AUTS2: variants seen among roughly 807,000 people sequenced by gnomAD.
The protein encoded by AUTS2 is autism susceptibility gene 2 protein.
AUTS2 carries 17 observed loss-of-function variants against 112.4 expected under a neutral mutation model. The ratio of observed to expected loss-of-function variants is 0.15; its 90% CI spans 0.10 to 0.23. The LOEUF (loss-of-function observed/expected upper bound fraction) is 0.23, where lower values mean the gene tolerates loss of function less well. Among genes scored for constraint, AUTS2 ranks in the 10% least tolerant of loss-of-function variants. The probability of loss-of-function intolerance (pLI) is 1.00; values close to 1 mark genes in which losing one functional copy is unlikely to be tolerated. For synonymous variants in AUTS2, 751 were observed against 702.7 expected, an observed-to-expected ratio of 1.07 and a Z score of -1.09; for missense variants, 1,510 against 1,701.6, an observed-to-expected ratio of 0.89 and a Z score of 1.98.
intron 2 of AUTS2, among the ~76,000 whole-genome samples, chr7:70,034,603 C>T (rs542203255): frequency 5.5e-4 from 84 of 152,262 alleles, no homozygotes; most frequent in African/African-American, 1.9e-3. Context: ...GGTAATTCTA[C>T]GGTAAATTTG....
At chr7:69,989,814 AC>A in intron 2 of AUTS2, among the ~76,000 whole-genome samples, 1 of 152,276 alleles carries the variant, frequency 6.6e-6, no homozygotes, top group Admixed American at 6.5e-5. Context: ...CAGCAGGCTA[AC>A]AAACATTAAG....
chr7:69,641,056 G>C (rs1034932582), intron 1 of AUTS2, among the ~76,000 whole-genome samples: 1 of 152,212 alleles, frequency 6.6e-6, no homozygotes, highest in Non-Finnish European at 1.5e-5. Context: ...ATTTTAACTT[G>C]TGTCAAGGGC....
intron 4 of AUTS2, among the ~76,000 whole-genome samples, chr7:70,414,069 T>C (rs1794893096): frequency 6.6e-6 from 1 of 152,230 alleles, no homozygotes; most frequent in Non-Finnish European, 1.5e-5. Context: ...GCTAAGGAGC[T>C]GCGTAACATT....
intron 2 of AUTS2, among the ~76,000 whole-genome samples, chr7:70,071,774 A>G (rs759761959): frequency 1.3e-5 from 2 of 152,224 alleles, no homozygotes; most frequent in Non-Finnish European, 2.9e-5. Context: ...GGTTCGATCT[A>G]TGAGAAATTT....
At chr7:70,468,837 A>T (rs1009909349) in intron 5 of AUTS2, among the ~76,000 whole-genome samples, 4 of 151,656 alleles carry the variant, frequency 2.6e-5, no homozygotes, top group African/African-American at 4.9e-5. Flanking sequence ...GGGCAGTCTT[A>T]CTCCCTCTTC....
intron 4 of AUTS2, among the ~76,000 whole-genome samples, chr7:70,299,834 A>AG (rs1341293404): frequency 7.3e-5 from 11 of 151,474 alleles, no homozygotes; most frequent in Non-Finnish European, 1.3e-4. Context: ...TTCCTTTAAA[A>AG]AAAAAAAAAT....
chr7:69,995,341 A>C (rs771731998), intron 2 of AUTS2, among the ~76,000 whole-genome samples: 3 of 152,192 alleles, frequency 2.0e-5, no homozygotes, highest in African/African-American at 7.2e-5. Context: ...AATTTCTTTC[A>C]TTTACACAGT....
At chr7:70,622,089 C>T (rs1804710518) in intron 5 of AUTS2, among the ~76,000 whole-genome samples, 1 of 151,894 alleles carries the variant, frequency 6.6e-6, no homozygotes, top group African/African-American at 2.4e-5. Context: ...CTGCCCGCCT[C>T]GTCCTCCCAA....
chr7:70,106,146 A>G (rs1202771873), intron 2 of AUTS2, among the ~76,000 whole-genome samples: 1 of 152,172 alleles, frequency 6.6e-6, no homozygotes, highest in Non-Finnish European at 1.5e-5. Flanking sequence ...GAGGGTCTTT[A>G]TACATCTTCT....
At chr7:70,043,917 G>A (rs1313235440) in intron 2 of AUTS2, among the ~76,000 whole-genome samples, 1 of 151,908 alleles carries the variant, frequency 6.6e-6, no homozygotes, top group Non-Finnish European at 1.5e-5. Flanking sequence ...CCTCCCCTTT[G>A]CATTTCACTG....
At chr7:70,463,399 G>GT (rs1426115594) in intron 5 of AUTS2, among the ~76,000 whole-genome samples, 2 of 152,204 alleles carry the variant, frequency 1.3e-5, no homozygotes, top group Non-Finnish European at 2.9e-5. Flanking sequence ...ATGAGAGGGA[G>GT]TTTCATGCCC....
chr7:70,386,259 A>G (rs999059505), intron 4 of AUTS2, among the ~76,000 whole-genome samples: 19 of 152,198 alleles, frequency 1.2e-4, no homozygotes, highest in African/African-American at 4.6e-4. Context: ...GCTCCTTGCA[A>G]GACATAAAAC....
At chr7:70,182,500 A>T (rs936348018) in intron 4 of AUTS2, among the ~76,000 whole-genome samples, 1 of 152,236 alleles carries the variant, frequency 6.6e-6, no homozygotes, top group Non-Finnish European at 1.5e-5. Flanking sequence ...CCTCCAACAT[A>T]GTAGGACCTC....
chr7:70,332,968 T>A (rs755066359), intron 4 of AUTS2, among the ~76,000 whole-genome samples: 1 of 152,098 alleles, frequency 6.6e-6, no homozygotes, highest in Non-Finnish European at 1.5e-5. Flanking sequence ...ACAAATGGGA[T>A]CTAATTAACT....
At chr7:70,628,141 C>G (rs1300410385) in intron 5 of AUTS2, among the ~76,000 whole-genome samples, 1 of 152,002 alleles carries the variant, frequency 6.6e-6, no homozygotes, top group Non-Finnish European at 1.5e-5. Flanking sequence ...GCCTTGGAAG[C>G]CATGCGGGCA....
At chr7:70,733,879 G>A (rs980356088) in intron 6 of AUTS2, among the ~76,000 whole-genome samples, 3 of 151,790 alleles carry the variant, frequency 2.0e-5, no homozygotes, top group African/African-American at 4.8e-5. Context: ...GAGCCACCAC[G>A]CCTGGCCTCT....
In AUTS2 at chr7:70,527,359, G is replaced by A. The variant is rs78071113; in HGVS notation, c.690+91578G>A. On this transcript the variant is annotated intron_variant, in intron 5 of 18. Coordinates refer to ENST00000342771, the MANE Select transcript of AUTS2 (RefSeq NM_015570.4). ...CTGCTCACTGATCTCTTTTTTTGGG[G>A]GGGTTGAACCCCTGCCCATCTTCTC... 2.4e-3 allele frequency among the ~76,000 whole-genome samples: 358 copies of A among 152,046 alleles called. 6 individuals are homozygous for A. The East Asian group carries it at 0.052, about 22-fold the overall frequency.
chr7:69,613,609 C>T (rs1793158691), intron 1 of AUTS2, among the ~76,000 whole-genome samples: 1 of 152,170 alleles, frequency 6.6e-6, no homozygotes, highest in Non-Finnish European at 1.5e-5. Context: ...CTCTGGAACA[C>T]AAATGTAAAA....
At chr7:69,869,947 T>C (rs1266297681) in intron 1 of AUTS2, among the ~76,000 whole-genome samples, 1 of 152,152 alleles carries the variant, frequency 6.6e-6, no homozygotes, top group Non-Finnish European at 1.5e-5. Flanking sequence ...TAGAAAAAAC[T>C]GTGCCTTATC....
Sources: allele counts gnomAD v4.1 joint callset (sites outside exome capture counted in the v4.1 genomes callset), GRCh38; gene constraint gnomAD v4.1.1; transcripts MANE v1.5; gene names NCBI Gene and HGNC (gene_info 2026-07-23, HGNC 2026-07-21).